TMEM170A: variants seen among roughly 807,000 people sequenced by gnomAD.
The protein encoded by TMEM170A is transmembrane protein 170.
A neutral mutation model predicts 12.8 loss-of-function variants in TMEM170A; 18 were observed. That is an observed-to-expected ratio of 1.41 (90% CI 0.97 to 2.09). The LOEUF is 2.09. Among genes scored for constraint, TMEM170A ranks in the 30% most tolerant of loss-of-function variants. TMEM170A has a pLI of 0.00. For synonymous variants in TMEM170A, 107 were observed against 76.2 expected, an observed-to-expected ratio of 1.40 and a Z score of -2.11; for missense variants, 220 against 179.9, an observed-to-expected ratio of 1.22 and a Z score of -1.28.
intron 1 of TMEM170A, among the ~76,000 whole-genome samples, chr16:75,461,170 C>T (rs1364113462): frequency 3.9e-5 from 6 of 152,176 alleles, no homozygotes; most frequent in African/African-American, 1.4e-4. Flanking sequence ...TCTCCTGCCT[C>T]AGCCTCCCGA....
chr16:75,447,535 A>C lies in TMEM170A; in HGVS notation c.*23T>G. 6.3e-7 allele frequency: 1 copy of C among 1,587,332 alleles called. No homozygotes were observed. The highest frequency in any genetic ancestry group is 8.5e-7 in the Non-Finnish European group (1 of 1,171,274). ...GAGGATTCCATAAAGTTTAAGTTCA[A>C]CATCTCAGCATAAGGATGTATGCTA... On this transcript the variant is annotated 3_prime_UTR_variant, in exon 3 of 3. Transcript: ENST00000561878.
intron 1 of TMEM170A, among the ~76,000 whole-genome samples, chr16:75,462,884 G>A (rs552177305): frequency 3.9e-5 from 6 of 152,258 alleles, no homozygotes; most frequent in Middle Eastern, 3.4e-3. Flanking sequence ...GATGTGATAT[G>A]GTTTCATGGA....
At chr16:75,456,756 G>C (rs2079805782) in intron 1 of TMEM170A, among the ~76,000 whole-genome samples, 1 of 152,176 alleles carries the variant, frequency 6.6e-6, no homozygotes, top group African/African-American at 2.4e-5. Flanking sequence ...ACCTGCCAGA[G>C]CTCTGGTGCC....
chr16:75,451,963 A>C (rs868691098), intron 1 of TMEM170A, 124 bp from the exon 2 acceptor site: 27 of 923,272 alleles, frequency 2.9e-5, no homozygotes, highest in Middle Eastern at 6.8e-4. Context: ...TTTTTTGAAA[A>C]ATTTTTATTA....
intron 1 of TMEM170A, among the ~76,000 whole-genome samples, chr16:75,453,513 G>C (rs1197901294): frequency 6.6e-6 from 1 of 152,140 alleles, no homozygotes; most frequent in African/African-American, 2.4e-5. Context: ...CAATTGATAC[G>C]GTACTATGCA....
chr16:75,444,889 G>T lies in TMEM170A; in HGVS notation c.*2669C>A, dbSNP rs1006545395. ...CAAAATGCCCTAATTTTAAGTCTTAGCTCCAGTGAAAAATATCTAACATTT... is the reference window on the plus strand; with the variant it reads ...CAAAATGCCCTAATTTTAAGTCTTATCTCCAGTGAAAAATATCTAACATTT... On this transcript the variant is annotated 3_prime_UTR_variant, in exon 3 of 3. Coordinates refer to ENST00000561878, the MANE Select transcript of TMEM170A (RefSeq NM_145254.3). 1.3e-5 allele frequency: 2 copies of T among 152,088 alleles called. No homozygotes were observed. Among genetic ancestry groups the T allele is most frequent in the Non-Finnish European group, 2.9e-5 (2 of 68,014 alleles). The allele number at this position is 152,088 out of a possible 1,614,324, so 9.4% of individuals were successfully genotyped here.
chr16:75,449,867 A>C (rs1444508560), intron 2 of TMEM170A, among the ~76,000 whole-genome samples: 4 of 152,212 alleles, frequency 2.6e-5, no homozygotes, highest in Non-Finnish European at 4.4e-5. Context: ...CTAAAGTGGG[A>C]TTGGGATAAT....
At position 75,464,556 on chromosome 16, in the gene TMEM170A, G is replaced by A. The variant is rs753368381; in HGVS notation, c.45C>T (p.Leu15=). 1.3e-6 allele frequency: 2 copies of A among 1,587,066 alleles called. No individual in the cohort carries two copies. The highest frequency in any genetic ancestry group is 2.4e-5 in the East Asian group (1 of 41,258). The change falls in exon 1 of 3, where the codon CTC becomes CTT. Residue 15 remains leucine, a synonymous_variant. Transcript: ENST00000561878. ...CCTTCAGGCTCAGGATCTGCTGCAGGAGCCCGGCCGACCCGCCGCTGCCGC... is the reference window on the plus strand; with the variant it reads ...CCTTCAGGCTCAGGATCTGCTGCAGAAGCCCGGCCGACCCGCCGCTGCCGC... The part of the protein sequence containing the change: ...GSGGSGGSAG[L]LQQILSLKVV...
intron 1 of TMEM170A, among the ~76,000 whole-genome samples, chr16:75,453,566 C>A (rs1401754181): frequency 6.6e-6 from 1 of 152,232 alleles, no homozygotes; most frequent in Non-Finnish European, 1.5e-5. Context: ...ATCACTCAGT[C>A]TTCTAAAATG....
Position 75,451,824 on chromosome 16 carries a change from A to G in TMEM170A, c.149T>C (p.Val50Ala), listed in dbSNP as rs1404100161. 6.2e-7 allele frequency: 1 copy of G among 1,612,318 alleles called. No homozygotes were observed. Among genetic ancestry groups the G allele is most frequent in the Non-Finnish European group, 8.5e-7 (1 of 1,179,114 alleles). ...AGAAGACACCAGTGCCCACAGGAAT[A>G]CACCATACCACATCTCTATGAGGGA... The part of the protein sequence containing the change: ...LCSFPEMWYG[V>A]FLWALVSSLF... The change falls in exon 2 of 3, where the codon GTA (valine) becomes GCA (alanine). Residue 50 changes from valine (V) to alanine (A), a missense_variant. By Grantham distance (64) the Val-to-Ala change is moderately conservative (BLOSUM62 0). Coordinates refer to ENST00000561878, the MANE Select transcript of TMEM170A (RefSeq NM_145254.3).
chr16:75,451,312 G>C (rs2079677013), intron 2 of TMEM170A: 1 of 337,034 alleles, frequency 3.0e-6, no homozygotes, highest in South Asian at 4.9e-5. Flanking sequence ...CATTTTGGGA[G>C]GCCAAGGTGG....
At chr16:75,454,869 C>A (rs1008934390) in intron 1 of TMEM170A, among the ~76,000 whole-genome samples, 5 of 152,150 alleles carry the variant, frequency 3.3e-5, no homozygotes, top group African/African-American at 1.2e-4. Context: ...TGTGCATGGC[C>A]CTTGCTGCAA....
intron 1 of TMEM170A, among the ~76,000 whole-genome samples, chr16:75,452,301 C>T (rs996609965): frequency 1.1e-4 from 16 of 152,074 alleles, no homozygotes; most frequent in East Asian, 9.7e-4. Context: ...CGGGGTCTCA[C>T]TCCGTCACCC....
Position 75,455,067 on chromosome 16 carries a change from CAATAGAT to C in TMEM170A, c.134-3235_134-3229del, listed in dbSNP as rs1425400694. Among the ~76,000 whole-genome samples the C allele has an allele frequency of 3.3e-5, 5 of 152,234 alleles. No homozygotes were observed. The South Asian group carries it at 6.2e-4, about 19-fold the overall frequency. ...TACTACAAAGTCCCATTAAAATATGCAATAGATGGGCTGGGCACAGTGGCTCACGCCT... is the reference window on the plus strand; with the variant it reads ...TACTACAAAGTCCCATTAAAATATGCGGGCTGGGCACAGTGGCTCACGCCT... On this transcript the variant is annotated intron_variant, in intron 1 of 2. Transcript: ENST00000561878.
At chr16:75,452,486 G>A (rs2079707596) in intron 1 of TMEM170A, among the ~76,000 whole-genome samples, 1 of 151,358 alleles carries the variant, frequency 6.6e-6, no homozygotes, top group Non-Finnish European at 1.5e-5. Flanking sequence ...TCACTACTCT[G>A]TTGCCCAGGA....
chr16:75,459,238 G>C (rs902371120), intron 1 of TMEM170A, among the ~76,000 whole-genome samples: 1 of 152,210 alleles, frequency 6.6e-6, no homozygotes. Context: ...AGATACTGCA[G>C]TGAAAGAACA....
intron 1 of TMEM170A, among the ~76,000 whole-genome samples, chr16:75,454,998 T>C (rs2079762359): frequency 6.6e-6 from 1 of 152,226 alleles, no homozygotes; most frequent in African/African-American, 2.4e-5. Flanking sequence ...CCTGCATGGC[T>C]ATCACTGCAG....
At chr16:75,450,238 T>C (rs916875292) in intron 2 of TMEM170A, among the ~76,000 whole-genome samples, 3 of 149,774 alleles carry the variant, frequency 2.0e-5, no homozygotes. Context: ...TTCTGCTTGA[T>C]GCTAAGGTTT....
At chr16:75,447,728 C>A in intron 2 of TMEM170A, 40 bp from the exon 3 acceptor site, 2 of 1,551,200 alleles carry the variant, frequency 1.3e-6, no homozygotes, top group Non-Finnish European at 8.7e-7. Context: ...AAACAAAAAA[C>A]GAAGGTTAAC....
Sources: allele counts gnomAD v4.1 joint callset (sites outside exome capture counted in the v4.1 genomes callset), GRCh38; gene constraint gnomAD v4.1.1; transcripts MANE v1.5; gene names NCBI Gene and HGNC (gene_info 2026-07-23, HGNC 2026-07-21).